The following CCDC171 variants were observed in gnomAD, a reference collection of about 807,000 sequenced individuals.
CCDC171 encodes coiled-coil domain-containing protein 171.
In CCDC171, 177 loss-of-function variants were observed where a neutral mutation model predicts 168.2. The ratio of observed to expected loss-of-function variants is 1.05; its 90% CI spans 0.93 to 1.19. The LOEUF is 1.19. Among genes scored for constraint, CCDC171 ranks in the 50% most tolerant of loss-of-function variants. CCDC171 has a pLI of 0.00. For missense variants in CCDC171, 1,991 were observed against 1,539.0 expected (o/e 1.29, Z -4.91); for synonymous variants, 687 against 540.8 (o/e 1.27, Z -3.75).
the CCDC171 span, among the ~76,000 whole-genome samples, chr9:16,072,332 C>T: frequency 1.3e-4 from 20 of 152,288 alleles, 1 homozygote; most frequent in African/African-American, 4.6e-4. Flanking sequence ...ACCTATGCTC[C>T]TCCTGGTCTC....
At chr9:15,869,074 G>A (rs888776913) in intron 23 of CCDC171, among the ~76,000 whole-genome samples, 4 of 151,972 alleles carry the variant, frequency 2.6e-5, no homozygotes, top group African/African-American at 4.8e-5. Context: ...AGGAGAAAAA[G>A]TTTGTACATG....
intron 16 of CCDC171, among the ~76,000 whole-genome samples, chr9:15,731,921 A>G (rs954527476): frequency 3.1e-4 from 47 of 152,036 alleles, no homozygotes; most frequent in Non-Finnish European, 6.0e-4. Context: ...ATTGTGATTT[A>G]AAGTTGCATT....
At chr9:15,951,155 A>C (rs559239247) in intron 25 of CCDC171, among the ~76,000 whole-genome samples, 1 of 150,586 alleles carries the variant, frequency 6.6e-6, no homozygotes, top group Non-Finnish European at 1.5e-5. Flanking sequence ...AGAGACTTAG[A>C]CTCCTACACA....
intron 6 of CCDC171, among the ~76,000 whole-genome samples, chr9:16,023,785 A>G (rs1479158146): frequency 1.3e-5 from 2 of 152,142 alleles, no homozygotes; most frequent in South Asian, 4.2e-4. Context: ...TCACTGTCAC[A>G]GCTGAGGTTT....
intron 18 of CCDC171, among the ~76,000 whole-genome samples, chr9:15,777,386 GA>G (rs1186565298): frequency 1.3e-5 from 2 of 152,130 alleles, no homozygotes; most frequent in African/African-American, 2.4e-5. Flanking sequence ...AATACATGCA[GA>G]TTTTTTTTGA....
intron 8 of CCDC171, among the ~76,000 whole-genome samples, chr9:15,660,971 T>A (rs997203205): frequency 6.6e-6 from 1 of 152,218 alleles, no homozygotes; most frequent in Non-Finnish European, 1.5e-5. Context: ...CTCAGCAGCC[T>A]CACCAGCATC....
At chr9:16,016,539 C>G (rs1833024085) in intron 3 of CCDC171, among the ~76,000 whole-genome samples, 1 of 152,168 alleles carries the variant, frequency 6.6e-6, no homozygotes, top group Non-Finnish European at 1.5e-5. Flanking sequence ...GATGTCAACT[C>G]CCGAAATGCT....
intron 6 of CCDC171, among the ~76,000 whole-genome samples, chr9:15,619,124 C>T (rs1386367972): frequency 7.2e-5 from 11 of 152,068 alleles, no homozygotes. Flanking sequence ...TCTCGTCTGG[C>T]CTTCCTACTC....
intron 22 of CCDC171, 119 bp from the exon 23 acceptor site, chr9:15,848,773 AT>A (rs1362961533): frequency 4.1e-6 from 2 of 490,604 alleles, no homozygotes; most frequent in East Asian, 3.6e-5. Context: ...AATTAAAAAA[AT>A]AAAAGGAGAA....
At chr9:15,762,440 GC>G (rs2135112247) in intron 18 of CCDC171, among the ~76,000 whole-genome samples, 1 of 152,222 alleles carries the variant, frequency 6.6e-6, no homozygotes, top group South Asian at 2.1e-4. Context: ...AACTATGGTA[GC>G]CTACACACTT....
downstream of CCDC171, among the ~76,000 whole-genome samples, chr9:16,064,235 A>C (rs929080993): frequency 1.3e-5 from 2 of 152,170 alleles, no homozygotes; most frequent in Admixed American, 6.5e-5. Flanking sequence ...AGAAATCCCC[A>C]GTGAGGCCGT....
intron 21 of CCDC171, among the ~76,000 whole-genome samples, chr9:15,796,857 A>G (rs1245474198): frequency 6.6e-6 from 1 of 152,222 alleles, no homozygotes; most frequent in African/African-American, 2.4e-5. Flanking sequence ...AGATTCCCCT[A>G]TAGCAGACTC....
intron 23 of CCDC171, among the ~76,000 whole-genome samples, chr9:15,857,629 G>C (rs182790506): frequency 6.6e-6 from 1 of 151,902 alleles, no homozygotes; most frequent in East Asian, 1.9e-4. Context: ...CACCATGTTG[G>C]CCAGGCTGGT....
At chr9:15,582,028 T>C (rs541728957) in intron 4 of CCDC171, among the ~76,000 whole-genome samples, 19 of 152,128 alleles carry the variant, frequency 1.2e-4, no homozygotes, top group African/African-American at 3.9e-4. Flanking sequence ...TTGCAATCTA[T>C]CCATCTGACA....
intron 1 of CCDC171, among the ~76,000 whole-genome samples, chr9:16,045,324 G>T (rs540737149): frequency 2.0e-4 from 31 of 152,282 alleles, no homozygotes; most frequent in African/African-American, 7.2e-4. Context: ...TGGACAACTG[G>T]ATCTTAACAC....
chr9:15,875,897 A>T (rs956662139), intron 24 of CCDC171: 4 of 152,082 alleles, frequency 2.6e-5, no homozygotes, highest in African/African-American at 9.7e-5. Context: ...GTTATTTAAG[A>T]TGAGATTTAA....
chr9:15,806,495 C>T (rs1481319301), intron 21 of CCDC171, among the ~76,000 whole-genome samples: 1 of 152,128 alleles, frequency 6.6e-6, no homozygotes, highest in Admixed American at 6.5e-5. Flanking sequence ...GCTTATGAAG[C>T]ATAGTTTGGC....
intron 3 of CCDC171, among the ~76,000 whole-genome samples, chr9:16,019,872 C>T (rs979140475): frequency 6.6e-6 from 1 of 152,102 alleles, no homozygotes; most frequent in Non-Finnish European, 1.5e-5. Flanking sequence ...GACTTCTGGG[C>T]AGCAGGGAAG....
At chr9:15,893,066 C>T (rs555744036) in intron 24 of CCDC171, among the ~76,000 whole-genome samples, 35 of 152,104 alleles carry the variant, frequency 2.3e-4, no homozygotes, top group South Asian at 8.3e-4. Context: ...CAAAACAGCA[C>T]GGTACTTGTA....
Sources: allele counts gnomAD v4.1 joint callset (sites outside exome capture counted in the v4.1 genomes callset), GRCh38; gene constraint gnomAD v4.1.1; transcripts MANE v1.5; gene names NCBI Gene and HGNC (gene_info 2026-07-23, HGNC 2026-07-21).